CADM2: variants seen among roughly 807,000 people sequenced by gnomAD.
CADM2 encodes the protein immunoglobulin superfamily member 4D.
CADM2 carries 12 observed loss-of-function variants against 49.8 expected under a neutral mutation model. The observed-to-expected ratio is 0.24, with a 90% CI of 0.15 to 0.39. CADM2 has a LOEUF of 0.39. Ranked by LOEUF, CADM2 falls within the 10% of genes least tolerant of loss-of-function variation. The pLI, the probability that CADM2 is intolerant of heterozygous loss-of-function variation, is 1.00. For synonymous variants in CADM2, 214 were observed against 175.4 expected, an observed-to-expected ratio of 1.22 and a Z score of -1.74; for missense variants, 378 against 492.3, an observed-to-expected ratio of 0.77 and a Z score of 2.20.
intron 1 of CADM2, among the ~76,000 whole-genome samples, chr3:85,079,514 G>C (rs979937199): frequency 4.0e-5 from 6 of 151,714 alleles, no homozygotes; most frequent in African/African-American, 1.4e-4. Context: ...AAATATTGAT[G>C]TTCACAATGA....
chr3:85,021,139 A>G (rs1328488504), intron 1 of CADM2, among the ~76,000 whole-genome samples: 47 of 149,804 alleles, frequency 3.1e-4, no homozygotes, highest in African/African-American at 7.8e-4. Context: ...AAAAAGGGGG[A>G]AAAAAAAGAA....
At chr3:85,668,295 CAAAA>C (rs11447925) in intron 1 of CADM2, among the ~76,000 whole-genome samples, 9 of 81,756 alleles carry the variant, frequency 1.1e-4, no homozygotes, top group Non-Finnish European at 2.0e-4. Context: ...AGTACCAAAG[CAAAA>C]AAAAAAAAAA....
chr3:85,414,597 C>T (rs1488904037), intron 1 of CADM2, among the ~76,000 whole-genome samples: 3 of 151,918 alleles, frequency 2.0e-5, no homozygotes, highest in Non-Finnish European at 2.9e-5. Flanking sequence ...AGTGTTCAAT[C>T]CCCCAGTTTC....
At chr3:85,395,466 A>G (rs1196126113) in intron 1 of CADM2, among the ~76,000 whole-genome samples, 1 of 152,142 alleles carries the variant, frequency 6.6e-6, no homozygotes, top group African/African-American at 2.4e-5. Flanking sequence ...ATTTATTGAA[A>G]CTCAAAATGA....
chr3:85,613,121 A>G (rs943689085), intron 1 of CADM2, among the ~76,000 whole-genome samples: 4 of 151,814 alleles, frequency 2.6e-5, no homozygotes, highest in Admixed American at 6.6e-5. Flanking sequence ...TCATGATGTG[A>G]AAAGCTCTTT....
chr3:85,890,194 GA>G (rs1270110812), intron 5 of CADM2, among the ~76,000 whole-genome samples: 2 of 151,660 alleles, frequency 1.3e-5, no homozygotes, highest in Admixed American at 6.6e-5. Flanking sequence ...GAGTAAGAAG[GA>G]AAAAAAGGGG....
chr3:85,143,232 T>C (rs2039630803), intron 1 of CADM2, among the ~76,000 whole-genome samples: 1 of 152,134 alleles, frequency 6.6e-6, no homozygotes, highest in South Asian at 2.1e-4. Context: ...CCTGTAATCT[T>C]AGCACTTTCG....
intron 1 of CADM2, among the ~76,000 whole-genome samples, chr3:85,609,582 T>C (rs2063625021): frequency 6.6e-6 from 1 of 152,116 alleles, no homozygotes; most frequent in East Asian, 1.9e-4. Context: ...TAAAAAGCCT[T>C]CAGTATAGAT....
intron 1 of CADM2, among the ~76,000 whole-genome samples, chr3:85,380,191 C>T (rs551730081): frequency 1.3e-5 from 2 of 151,896 alleles, no homozygotes; most frequent in South Asian, 4.1e-4. Flanking sequence ...TTCCTGAAAC[C>T]CACAAAAAAT....
At chr3:85,198,518 C>A (rs556863850) in intron 1 of CADM2, among the ~76,000 whole-genome samples, 1 of 150,958 alleles carries the variant, frequency 6.6e-6, no homozygotes, top group South Asian at 2.1e-4. Context: ...TATGCTAATT[C>A]AGGCAGAAAC....
intron 1 of CADM2, among the ~76,000 whole-genome samples, chr3:85,159,268 C>T (rs1404041868): frequency 6.6e-6 from 1 of 152,076 alleles, no homozygotes; most frequent in Non-Finnish European, 1.5e-5. Flanking sequence ...ACATCAAAAC[C>T]ACAGGGGTTG....
In CADM2 at chr3:85,153,244, G is replaced by A. The variant is rs560142310; in HGVS notation, c.61+193576G>A. 3.3e-5 allele frequency among the ~76,000 whole-genome samples: 5 copies of A among 152,276 alleles called. No homozygotes were observed. In the South Asian group the frequency reaches 6.2e-4, roughly 19 times the overall value. Reference sequence around the variant, plus strand: ...TGGGTGCGCGCACCCTGCGCGAGCCGAAGCAGGGCGAGGCATTGCCTCACT... The same window carrying A: ...TGGGTGCGCGCACCCTGCGCGAGCCAAAGCAGGGCGAGGCATTGCCTCACT... On this transcript the variant is annotated intron_variant, in intron 1 of 9. Coordinates refer to ENST00000383699, the MANE Select transcript of CADM2 (RefSeq NM_001167675.2).
intron 1 of CADM2, among the ~76,000 whole-genome samples, chr3:85,309,274 A>T (rs559791564): frequency 6.6e-6 from 1 of 152,236 alleles, no homozygotes; most frequent in South Asian, 2.1e-4. Context: ...AATACAAGCT[A>T]ATTTTATATG....
chr3:85,803,792 T>C (rs2072226153), intron 3 of CADM2, among the ~76,000 whole-genome samples: 1 of 152,138 alleles, frequency 6.6e-6, no homozygotes, highest in African/African-American at 2.4e-5. Context: ...AAGTCTACTA[T>C]TTTAAATGTT....
chr3:85,552,017 T>TGCC, intron 1 of CADM2, among the ~76,000 whole-genome samples: 3 of 152,200 alleles, frequency 2.0e-5, no homozygotes, highest in African/African-American at 7.2e-5. Flanking sequence ...TGTAGGATCC[T>TGCC]TCTTAAAATA....
chr3:85,579,874 C>T (rs1348463466), intron 1 of CADM2, among the ~76,000 whole-genome samples: 3 of 151,968 alleles, frequency 2.0e-5, no homozygotes, highest in Non-Finnish European at 2.9e-5. Context: ...TGTGTATGTG[C>T]ATCTGTGTGC....
At chr3:85,271,225 CT>C (rs2043235287) in intron 1 of CADM2, among the ~76,000 whole-genome samples, 1 of 151,224 alleles carries the variant, frequency 6.6e-6, no homozygotes. Context: ...ATGTTAAAAC[CT>C]TTTGAGTTGT....
intron 2 of CADM2, among the ~76,000 whole-genome samples, chr3:85,773,909 A>T (rs1351778039): frequency 6.6e-6 from 1 of 152,032 alleles, no homozygotes; most frequent in Non-Finnish European, 1.5e-5. Context: ...ACAAAATTTT[A>T]ATATCGATAG....
At chr3:85,207,805 A>G (rs2041685066) in intron 1 of CADM2, among the ~76,000 whole-genome samples, 1 of 152,178 alleles carries the variant, frequency 6.6e-6, no homozygotes, top group Non-Finnish European at 1.5e-5. Context: ...TGCTGTTTTT[A>G]TAAGGTCAGC....
Sources: gnomAD v4.1 joint callset for allele counts (sites outside exome capture counted in the v4.1 genomes callset) on GRCh38, gnomAD v4.1.1 for gene constraint, MANE v1.5 for transcripts, NCBI Gene and HGNC (gene_info 2026-07-23, HGNC 2026-07-21) for gene names.